The following ADTRP variants were observed in gnomAD, a reference collection of about 807,000 sequenced individuals.
ADTRP encodes androgen dependent TFPI regulating protein.
ADTRP carries 20 observed loss-of-function variants against 27.0 expected under a neutral mutation model. The observed-to-expected ratio is 0.74, with a 90% confidence interval of 0.52 to 1.08. ADTRP has a LOEUF of 1.08. ADTRP is among the 50% of genes least tolerant of loss of function. ADTRP has a pLI of 0.00. For missense variants in ADTRP, 251 were observed against 275.0 expected (o/e 0.91, Z 0.62); for synonymous variants, 101 against 105.2 (o/e 0.96, Z 0.25).
At chr6:11,750,258 T>G (rs1723683793) in intron 3 of ADTRP, among the ~76,000 whole-genome samples, 1 of 152,222 alleles carries the variant, frequency 6.6e-6, no homozygotes, top group African/African-American at 2.4e-5. Flanking sequence ...ACCTGAGAGT[T>G]TGGTTTCTGG....
chr6:11,765,660 G>C (rs1170581270), intron 3 of ADTRP, among the ~76,000 whole-genome samples: 1 of 151,950 alleles, frequency 6.6e-6, no homozygotes, highest in African/African-American at 2.4e-5. Context: ...CTCCAACCGA[G>C]ACCTGGCAAC....
intron 5 of ADTRP, chr6:11,717,227 T>G: frequency 1.6e-6 from 2 of 1,245,336 alleles, no homozygotes; most frequent in South Asian, 2.7e-5. Context: ...GAAGTTAGAT[T>G]CACCCCGACT....
chr6:11,766,227 C>T (rs759753267), intron 3 of ADTRP, 47 bp downstream of exon 3: 1 of 1,431,842 alleles, frequency 7.0e-7, no homozygotes, highest in South Asian at 1.2e-5. Flanking sequence ...GTTTTCAGTA[C>T]AGAGGCTATT....
intron 3 of ADTRP, among the ~76,000 whole-genome samples, chr6:11,756,863 A>G (rs1371993170): frequency 6.6e-6 from 1 of 152,222 alleles, no homozygotes; most frequent in African/African-American, 2.4e-5. Flanking sequence ...CTCTTCTGCA[A>G]GGTGAGCGGT....
chr6:11,765,796 A>G (rs939817467), intron 3 of ADTRP, among the ~76,000 whole-genome samples: 1 of 152,168 alleles, frequency 6.6e-6, no homozygotes, highest in African/African-American at 2.4e-5. Flanking sequence ...TAAAAAACCA[A>G]ATGGAAATGT....
intron 5 of ADTRP, among the ~76,000 whole-genome samples, chr6:11,718,015 G>C (rs1761889076): frequency 6.6e-6 from 1 of 152,224 alleles, no homozygotes; most frequent in African/African-American, 2.4e-5. Flanking sequence ...CAAGGAGGTG[G>C]ATTAGATGGC....
intron 5 of ADTRP, among the ~76,000 whole-genome samples, chr6:11,718,207 C>G (rs1761894476): frequency 1.3e-5 from 2 of 152,188 alleles, no homozygotes; most frequent in African/African-American, 4.8e-5. Context: ...TCTTAGGGGC[C>G]CTGACAAAGG....
chr6:11,761,409 G>A (rs889212123), intron 3 of ADTRP, among the ~76,000 whole-genome samples: 1 of 152,150 alleles, frequency 6.6e-6, no homozygotes, highest in Non-Finnish European at 1.5e-5. Flanking sequence ...ATAGGGCCTT[G>A]TACATAGCAG....
chr6:11,761,303 G>A (rs1036313766), intron 3 of ADTRP, among the ~76,000 whole-genome samples: 6 of 152,118 alleles, frequency 3.9e-5, no homozygotes, highest in Non-Finnish European at 8.8e-5. Flanking sequence ...TTTATTGTGT[G>A]TTTACTGCTT....
At chr6:11,777,900 T>G (rs1011992712) in intron 1 of ADTRP, among the ~76,000 whole-genome samples, 1 of 150,654 alleles carries the variant, frequency 6.6e-6, no homozygotes, top group Non-Finnish European at 1.5e-5. Context: ...CTTTTAACTT[T>G]AAAAGTATTT....
intron 4 of ADTRP, among the ~76,000 whole-genome samples, chr6:11,733,281 C>T (rs1034073066): frequency 5.3e-5 from 8 of 152,230 alleles, no homozygotes; most frequent in Admixed American, 1.3e-4. Context: ...AATCAGCTTT[C>T]TTACATAAAC....
At chr6:11,758,203 T>C (rs1444687559) in intron 3 of ADTRP, among the ~76,000 whole-genome samples, 1 of 152,188 alleles carries the variant, frequency 6.6e-6, no homozygotes, top group African/African-American at 2.4e-5. Context: ...GCTTGTTCTT[T>C]GACTTTTTAT....
Position 11,766,294 on chromosome 6 carries a change from C to A in ADTRP, c.370G>T (p.Val124Leu), listed in dbSNP as rs76154682. 5.6e-6 allele frequency: 9 copies of A among 1,611,278 alleles called. No individual in the cohort carries two copies. The highest frequency in any genetic ancestry group is 7.6e-6 in the Non-Finnish European group (9 of 1,178,590). The change falls in exon 3 of 6, where the codon GTG becomes TTG. Residue 124 changes from valine to leucine, a missense_variant. Val to Leu is a conservative substitution (Grantham distance 32). Transcript: ENST00000414691. ...YPKVLDTVIP[V>L]WLNHAMHTFI... Reference sequence around the variant, plus strand: ...CTCACCATTGCATGATTCAGCCACACGGGGATGACAGTATCTAGGACCTTG... The same window carrying A: ...CTCACCATTGCATGATTCAGCCACAAGGGGATGACAGTATCTAGGACCTTG...
intron 3 of ADTRP, among the ~76,000 whole-genome samples, chr6:11,765,733 A>C (rs377440441): frequency 1.1e-4 from 17 of 152,208 alleles, no homozygotes; most frequent in African/African-American, 3.6e-4. Context: ...TGACCTAAAA[A>C]TCTCAGAACA....
intron 3 of ADTRP, among the ~76,000 whole-genome samples, chr6:11,742,876 A>G (rs906454973): frequency 6.6e-6 from 1 of 152,210 alleles, no homozygotes; most frequent in Non-Finnish European, 1.5e-5. Flanking sequence ...TTTTGTTCCA[A>G]TTGTGAATCG....
chr6:11,768,473 T>C (rs1197275638), intron 1 of ADTRP, 90 bp from the exon 2 acceptor site: 7 of 1,531,020 alleles, frequency 4.6e-6, no homozygotes, highest in Admixed American at 1.8e-5. Flanking sequence ...CTGAGAGTAA[T>C]GTGGCTTTGA....
intron 3 of ADTRP, among the ~76,000 whole-genome samples, chr6:11,739,400 G>A (rs567155784): frequency 1.3e-4 from 20 of 152,164 alleles, no homozygotes; most frequent in East Asian, 5.8e-4. Context: ...CAAATGCAAC[G>A]GTTATAAAGA....
intron 3 of ADTRP, among the ~76,000 whole-genome samples, chr6:11,741,460 G>A (rs982808659): frequency 1.3e-5 from 2 of 152,296 alleles, no homozygotes; most frequent in East Asian, 3.9e-4. Flanking sequence ...ATGCCCCACT[G>A]GGCCAAGGAA....
At chr6:11,748,161 TAACA>T (rs1762927866) in intron 3 of ADTRP, among the ~76,000 whole-genome samples, 1 of 152,202 alleles carries the variant, frequency 6.6e-6, no homozygotes, top group Non-Finnish European at 1.5e-5. Flanking sequence ...GTCTCAGATA[TAACA>T]ACCAAAAGCC....
Sources: allele counts gnomAD v4.1 joint callset (sites outside exome capture counted in the v4.1 genomes callset), GRCh38; gene constraint gnomAD v4.1.1; transcripts MANE v1.5; gene names NCBI Gene and HGNC (gene_info 2026-07-23, HGNC 2026-07-21).